The following VTI1B variants were observed in gnomAD, a reference collection of about 807,000 sequenced individuals.
VTI1B encodes vesicle transport through interaction with t-SNAREs 1B.
VTI1B carries 18 observed loss-of-function variants against 28.6 expected under a neutral mutation model. That is an observed-to-expected ratio of 0.63 (90% CI 0.43 to 0.93). The LOEUF is 0.93. Among genes scored for constraint, VTI1B ranks in the 40% least tolerant of loss-of-function variants. The pLI is 0.00. For synonymous variants in VTI1B, 100 were observed against 107.9 expected (o/e 0.93, Z 0.46); for missense variants, 283 against 297.0 (o/e 0.95, Z 0.35).
At chr14:67,657,751 C>CTTT (rs548633018) in intron 3 of VTI1B, among the ~76,000 whole-genome samples, 1 of 115,124 alleles carries the variant, frequency 8.7e-6, no homozygotes, top group Non-Finnish European at 1.7e-5. Context: ...TTCTTTCTTT[C>CTTT]TTTTTTTTTT....
rs1159774386 is a variant in VTI1B at position 67,650,315 on chromosome 14, T to C, written c.*1070A>G. The C allele has an allele frequency of 4.0e-6, 1 of 247,082 alleles. No homozygotes were observed. Among genetic ancestry groups the C allele is most frequent in the African/African-American group, 2.3e-5 (1 of 44,210 alleles). The allele number at this position is 247,082 out of a possible 1,614,324, so 15.3% of individuals were successfully genotyped here. On this transcript the variant is annotated 3_prime_UTR_variant, in exon 6 of 6. Transcript: ENST00000554659. ...AAGTGGCAGATTTCCTCTGCCTTCATACTTGATTCATTTCCAGGCAGGCAT... is the reference window on the plus strand; with the variant it reads ...AAGTGGCAGATTTCCTCTGCCTTCACACTTGATTCATTTCCAGGCAGGCAT...
At chr14:67,662,232 G>A (rs1399042211) in intron 2 of VTI1B, among the ~76,000 whole-genome samples, 2 of 151,406 alleles carry the variant, frequency 1.3e-5, no homozygotes, top group Non-Finnish European at 2.9e-5. Context: ...GTATGAGAAT[G>A]CCCTTACTAC....
intron 1 of VTI1B, among the ~76,000 whole-genome samples, chr14:67,667,452 T>C (rs1403269825): frequency 1.3e-5 from 2 of 152,174 alleles, no homozygotes; most frequent in Non-Finnish European, 2.9e-5. Flanking sequence ...ACCAACCTGT[T>C]TCCTCATCTG....
chr14:67,665,456 A>G (rs944791729), intron 1 of VTI1B, among the ~76,000 whole-genome samples: 2 of 151,488 alleles, frequency 1.3e-5, no homozygotes, highest in African/African-American at 4.9e-5. Context: ...TTTGGTAGAG[A>G]TGGGGCCTCA....
In VTI1B at chr14:67,648,108, G is replaced by T. The variant is rs1251048958; in HGVS notation, c.*3277C>A. 4 of 1,613,858 alleles carry T rather than the reference G, an allele frequency of 2.5e-6. No homozygotes were observed. The highest frequency in any genetic ancestry group is 3.4e-6 in the Non-Finnish European group (4 of 1,179,894). ...TGCATTTGACCCTACACTGGCTCCAGCCACAGGAACTCCTGTTGTCGGGGG... is the reference window on the plus strand; with the variant it reads ...TGCATTTGACCCTACACTGGCTCCATCCACAGGAACTCCTGTTGTCGGGGG... On this transcript the variant is annotated 3_prime_UTR_variant, in exon 6 of 6. Transcript: ENST00000554659.
intron 1 of VTI1B, among the ~76,000 whole-genome samples, chr14:67,667,743 G>A (rs527526129): frequency 2.0e-5 from 3 of 152,254 alleles, no homozygotes; most frequent in Non-Finnish European, 2.9e-5. Context: ...AGGAGATCGA[G>A]ACCATCCTGG....
In VTI1B at chr14:67,669,548, C is replaced by T. The variant is rs368381181; in HGVS notation, c.115+4827G>A. Among the ~76,000 whole-genome samples, 72 of 148,508 alleles carry T rather than the reference C, an allele frequency of 4.8e-4. 2 individuals carry two copies. The highest frequency in any genetic ancestry group is 1.3e-3 in the Admixed American group (19 of 14,762). On this transcript the variant is annotated intron_variant, in intron 1 of 5. Coordinates refer to ENST00000554659, the MANE Select transcript of VTI1B (RefSeq NM_006370.3). Reference sequence around the variant, plus strand: ...TCCCAAAATGTTGGGATTACAGGCACGAGCCACCACACCTGGCCCCCGTAT... The same window carrying T: ...TCCCAAAATGTTGGGATTACAGGCATGAGCCACCACACCTGGCCCCCGTAT...
intron 2 of VTI1B, among the ~76,000 whole-genome samples, chr14:67,661,701 T>G (rs909607088): frequency 1.9e-4 from 28 of 149,768 alleles, no homozygotes; most frequent in African/African-American, 2.7e-4. Flanking sequence ...CTCGGTAATT[T>G]TTTTTTGTTT....
At chr14:67,657,592 G>A (rs894992678) in intron 3 of VTI1B, among the ~76,000 whole-genome samples, 21 of 139,564 alleles carry the variant, frequency 1.5e-4, no homozygotes, top group African/African-American at 5.4e-4. Flanking sequence ...AAGCACGCGC[G>A]CGCGTGCACA....
chr14:67,670,807 T>C (rs1482745084), intron 1 of VTI1B, among the ~76,000 whole-genome samples: 1 of 152,196 alleles, frequency 6.6e-6, no homozygotes, highest in African/African-American at 2.4e-5. Context: ...ACTACCAGCA[T>C]GAGCCACCGT....
chr14:67,654,214 AC>A (rs1223235717), intron 4 of VTI1B, among the ~76,000 whole-genome samples: 1 of 151,916 alleles, frequency 6.6e-6, no homozygotes, highest in East Asian at 1.9e-4. Flanking sequence ...TCAAGCAATA[AC>A]CCCACATGTC....
intron 1 of VTI1B, among the ~76,000 whole-genome samples, chr14:67,668,474 T>C (rs894429487): frequency 6.6e-6 from 1 of 152,240 alleles, no homozygotes; most frequent in Non-Finnish European, 1.5e-5. Context: ...AATACAGTTT[T>C]TGTTGTTTTA....
intron 1 of VTI1B, among the ~76,000 whole-genome samples, chr14:67,673,587 T>C (rs72723126): frequency 0.12 from 18,907 of 152,222 alleles, 1,211 homozygotes; most frequent in Admixed American, 0.14. Context: ...TAAATATATA[T>C]TAAATACATG....
At chr14:67,652,946 C>G (rs1050213813) in intron 5 of VTI1B, among the ~76,000 whole-genome samples, 1 of 152,114 alleles carries the variant, frequency 6.6e-6, no homozygotes, top group South Asian at 2.1e-4. Flanking sequence ...CCCGCCACTA[C>G]GCCTGGCTAA....
At position 67,648,205 on chromosome 14, in the gene VTI1B, A is replaced by T. The variant is rs201696913; in HGVS notation, c.*3180T>A. 6.7e-5 allele frequency: 108 copies of T among 1,607,538 alleles called. No homozygotes were observed. The highest frequency in any genetic ancestry group is 9.1e-5 in the Non-Finnish European group (107 of 1,175,914). ...ACAGGTATGTAGCAACCAGGTCTGCAGCCTGTTAACTACATAGGTAAATAT... is the reference window on the plus strand; with the variant it reads ...ACAGGTATGTAGCAACCAGGTCTGCTGCCTGTTAACTACATAGGTAAATAT... On this transcript the variant is annotated 3_prime_UTR_variant, in exon 6 of 6. Transcript: ENST00000554659.
intron 5 of VTI1B, among the ~76,000 whole-genome samples, chr14:67,652,938 C>T (rs73274563): frequency 0.028 from 4,267 of 152,100 alleles, 215 homozygotes; most frequent in African/African-American, 0.098. Flanking sequence ...TTACAGTGCC[C>T]GCCACTACGC....
At chr14:67,665,437 A>G (rs1045519557) in intron 1 of VTI1B, among the ~76,000 whole-genome samples, 11 of 151,374 alleles carry the variant, frequency 7.3e-5, no homozygotes, top group African/African-American at 2.4e-5. Context: ...ACACACAGCT[A>G]ATTTTTTTTT....
chr14:67,662,111 G>T (rs1455956387), intron 2 of VTI1B, among the ~76,000 whole-genome samples: 13 of 151,596 alleles, frequency 8.6e-5, no homozygotes. Context: ...AGCCGAGACT[G>T]TGCCACTGCA....
At position 67,647,543 on chromosome 14, in the gene VTI1B, G is replaced by A. The variant is rs2037115983; in HGVS notation, c.*3842C>T. ...GTTAGCTTCAGCCTTTGGACACTGG[G>A]GCTATAATGAAGTTAGAAATGGAAG... On this transcript the variant is annotated 3_prime_UTR_variant, in exon 6 of 6. Coordinates refer to ENST00000554659, the MANE Select transcript of VTI1B (RefSeq NM_006370.3). The A allele has an allele frequency of 6.4e-6, 1 of 155,488 alleles. No homozygotes were observed. Among genetic ancestry groups the A allele is most frequent in the African/African-American group, 2.4e-5 (1 of 41,450 alleles). The allele number at this position is 155,488 out of a possible 1,614,324, so 9.6% of individuals were successfully genotyped here. A position where few individuals can be genotyped will look rare whatever the true frequency, so the allele number is the denominator to read the frequency against.
Sources: gnomAD v4.1 joint callset for allele counts (sites outside exome capture counted in the v4.1 genomes callset) on GRCh38, gnomAD v4.1.1 for gene constraint, MANE v1.5 for transcripts, NCBI Gene and HGNC (gene_info 2026-07-23, HGNC 2026-07-21) for gene names.